The following DLG2 variants were observed in gnomAD, a reference collection of about 807,000 sequenced individuals.
DLG2 encodes the protein disks large homolog 2.
A neutral mutation model predicts 132.5 loss-of-function variants in DLG2; 45 were observed. The observed-to-expected ratio is 0.34, with a 90% CI of 0.27 to 0.44. The LOEUF is 0.44. Ranked by LOEUF, DLG2 falls within the 20% of genes least tolerant of loss-of-function variation. The pLI is 1.00. For synonymous variants in DLG2, 424 were observed against 419.6 expected (o/e 1.01, Z -0.13); for missense variants, 1,045 against 1,196.9 (o/e 0.87, Z 1.87).
intron 6 of DLG2, among the ~76,000 whole-genome samples, chr11:85,029,251 G>A (rs913635985): frequency 7.3e-5 from 11 of 151,174 alleles, no homozygotes; most frequent in African/African-American, 2.4e-4. Flanking sequence ...ATGAAACAAC[G>A]TAAACTGCCA....
At chr11:83,489,278 C>G (rs2093703293) in intron 21 of DLG2, among the ~76,000 whole-genome samples, 1 of 151,912 alleles carries the variant, frequency 6.6e-6, no homozygotes, top group African/African-American at 2.4e-5. Flanking sequence ...ATGGTAATTC[C>G]TACTATAAAA....
chr11:84,639,350 T>G (rs1039358227), intron 6 of DLG2, among the ~76,000 whole-genome samples: 29 of 54,302 alleles, frequency 5.3e-4, no homozygotes, highest in Non-Finnish European at 7.7e-4. Flanking sequence ...ATATCTGTGT[T>G]TTTTTTTTTT....
intron 6 of DLG2, among the ~76,000 whole-genome samples, chr11:85,014,098 T>C (rs138585655): frequency 2.6e-5 from 4 of 152,232 alleles, no homozygotes; most frequent in Non-Finnish European, 4.4e-5. Context: ...ATATCAACAA[T>C]AAAAATAGAC....
chr11:85,243,436 A>G (rs1341654857), intron 4 of DLG2, among the ~76,000 whole-genome samples: 1 of 152,010 alleles, frequency 6.6e-6, no homozygotes, highest in African/African-American at 2.4e-5. Flanking sequence ...TGAATGAATA[A>G]ATTCCCGACT....
intron 7 of DLG2, among the ~76,000 whole-genome samples, chr11:84,409,853 C>A (rs888105015): frequency 6.6e-6 from 1 of 152,156 alleles, no homozygotes; most frequent in African/African-American, 2.4e-5. Context: ...TCCTCCCTCC[C>A]TTCACCGGGA....
intron 15 of DLG2, among the ~76,000 whole-genome samples, chr11:83,922,787 T>C (rs555667094): frequency 7.7e-4 from 117 of 152,158 alleles, no homozygotes; most frequent in Non-Finnish European, 1.2e-3. Context: ...ATTCCTCCAA[T>C]TGCTAGATCA....
chr11:84,772,613 G>A (rs1380093502), intron 6 of DLG2, among the ~76,000 whole-genome samples: 1 of 152,004 alleles, frequency 6.6e-6, no homozygotes. Context: ...ACCACAGTGA[G>A]ATAAAAAAAG....
At chr11:84,895,302 G>T (rs2090040317) in intron 6 of DLG2, among the ~76,000 whole-genome samples, 1 of 152,124 alleles carries the variant, frequency 6.6e-6, no homozygotes, top group Non-Finnish European at 1.5e-5. Flanking sequence ...GCAATGGTTA[G>T]TTATTGAATA....
At chr11:84,626,354 G>A (rs1432333143) in intron 6 of DLG2, among the ~76,000 whole-genome samples, 1 of 152,152 alleles carries the variant, frequency 6.6e-6, no homozygotes. Context: ...CTTGAAAGCT[G>A]GGGTGGGAGG....
intron 11 of DLG2, among the ~76,000 whole-genome samples, chr11:83,983,922 C>T (rs759400628): frequency 2.6e-5 from 4 of 152,026 alleles, no homozygotes; most frequent in Non-Finnish European, 5.9e-5. Flanking sequence ...TTCTTAGCCA[C>T]GTGCTAAGGT....
chr11:85,136,484 T>TG (rs939185136), intron 5 of DLG2, among the ~76,000 whole-genome samples: 2 of 152,216 alleles, frequency 1.3e-5, no homozygotes, highest in Non-Finnish European at 2.9e-5. Flanking sequence ...GAAGCATTTT[T>TG]TTTTTTAACA....
At chr11:85,522,640 G>A (rs187066717) in intron 3 of DLG2, among the ~76,000 whole-genome samples, 16 of 152,314 alleles carry the variant, frequency 1.1e-4, no homozygotes, top group Admixed American at 2.6e-4. Context: ...GGAGCCCACC[G>A]TTTGCATCAG....
chr11:85,611,395 A>C (rs2080990473), intron 2 of DLG2, among the ~76,000 whole-genome samples: 1 of 152,228 alleles, frequency 6.6e-6, no homozygotes, highest in Non-Finnish European at 1.5e-5. Flanking sequence ...CTATGTGTGC[A>C]GCCCTCAACC....
At chr11:85,309,156 A>G (rs2080154617) in intron 3 of DLG2, among the ~76,000 whole-genome samples, 1 of 152,160 alleles carries the variant, frequency 6.6e-6, no homozygotes, top group South Asian at 2.1e-4. Flanking sequence ...GAGAAGATTT[A>G]GAGACATGTA....
At chr11:84,485,099 T>C (rs961617976) in intron 7 of DLG2, among the ~76,000 whole-genome samples, 2 of 152,120 alleles carry the variant, frequency 1.3e-5, no homozygotes, top group African/African-American at 2.4e-5. Context: ...GAGCCAGAAT[T>C]TCAATTCAGG....
intron 7 of DLG2, among the ~76,000 whole-genome samples, chr11:84,448,828 G>T (rs748685987): frequency 4.0e-5 from 6 of 151,686 alleles, no homozygotes; most frequent in Non-Finnish European, 7.4e-5. Context: ...TCGTATCCTC[G>T]GAGACCTACA....
chr11:83,528,419 G>A lies in DLG2; in HGVS notation c.2193+4289C>T, dbSNP rs1414293585. 2.6e-5 allele frequency among the ~76,000 whole-genome samples: 4 copies of A among 151,996 alleles called. 1 individual carries two copies. ...TGCTACAATTCCCACCATGACCTTT[G>A]CACACTGGTGTCCTTGACTTGCTTA... On this transcript the variant is annotated intron_variant, in intron 21 of 27. Transcript: ENST00000376104.
chr11:85,343,256 A>G (rs1195212756), intron 3 of DLG2, among the ~76,000 whole-genome samples: 6 of 152,160 alleles, frequency 3.9e-5, no homozygotes, highest in African/African-American at 1.4e-4. Context: ...CCCAGGAGAC[A>G]GCCTTGCTGA....
chr11:84,695,318 C>T (rs952067263), intron 6 of DLG2, among the ~76,000 whole-genome samples: 1 of 151,506 alleles, frequency 6.6e-6, no homozygotes, highest in African/African-American at 2.4e-5. Context: ...AGCTTCAAAC[C>T]ACTCTGTTCA....
Sources: allele counts gnomAD v4.1 joint callset (sites outside exome capture counted in the v4.1 genomes callset), GRCh38; gene constraint gnomAD v4.1.1; transcripts MANE v1.5; gene names NCBI Gene and HGNC (gene_info 2026-07-23, HGNC 2026-07-21).